ENPP6: variants seen among roughly 807,000 people sequenced by gnomAD.
The protein encoded by ENPP6 is glycerophosphocholine cholinephosphodiesterase ENPP6.
Under a neutral mutation model 42.0 loss-of-function variants are expected in ENPP6, and 32 were observed. The observed-to-expected ratio is 0.76, with a 90% CI of 0.58 to 1.02. ENPP6 has a LOEUF of 1.02. Ranked by LOEUF, ENPP6 falls within the 50% of genes least tolerant of loss-of-function variation. ENPP6 has a pLI of 0.00. For synonymous variants in ENPP6, 213 were observed against 216.0 expected (o/e 0.99, Z 0.12); for missense variants, 552 against 566.8 (o/e 0.97, Z 0.27).
At chr4:184,161,227 A>G (rs1284232927) in intron 1 of ENPP6, among the ~76,000 whole-genome samples, 1 of 152,214 alleles carries the variant, frequency 6.6e-6, no homozygotes, top group African/African-American at 2.4e-5. Context: ...AAACTGGGCT[A>G]AGGACATGAA....
chr4:184,186,629 C>T (rs539416998), intron 1 of ENPP6, among the ~76,000 whole-genome samples: 1 of 152,210 alleles, frequency 6.6e-6, no homozygotes, highest in East Asian at 1.9e-4. Flanking sequence ...CAGGAATGGT[C>T]AAAAGGTTAA....
chr4:184,102,496 C>T (rs931878939), intron 6 of ENPP6, among the ~76,000 whole-genome samples: 1 of 152,224 alleles, frequency 6.6e-6, no homozygotes, highest in Non-Finnish European at 1.5e-5. Flanking sequence ...TTTCTCTCCA[C>T]CATATACAGG....
intron 1 of ENPP6, among the ~76,000 whole-genome samples, chr4:184,186,452 C>T (rs767021629): frequency 3.3e-5 from 5 of 151,994 alleles, no homozygotes; most frequent in Non-Finnish European, 2.9e-5. Flanking sequence ...TGCATGAGAC[C>T]GACAAGGTGA....
intron 1 of ENPP6, among the ~76,000 whole-genome samples, chr4:184,159,319 A>G (rs68182724): frequency 0.045 from 6,841 of 152,334 alleles, 173 homozygotes; most frequent in South Asian, 0.063. Context: ...ATAGTAATGC[A>G]TTAGAAGTTG....
chr4:184,091,066 G>T lies in ENPP6; in HGVS notation c.*111C>A. ...AGAATAATGTATTTACAATGTGCAT[G>T]GTCTTGATTGTGTTAATGAAGCTAT... On this transcript the variant is annotated 3_prime_UTR_variant, in exon 8 of 8. Transcript: ENST00000296741. The T allele has an allele frequency of 1.0e-6, 1 of 961,552 alleles. No homozygotes were observed. The highest frequency in any genetic ancestry group is 1.5e-6 in the Non-Finnish European group (1 of 669,592). 59.6% of individuals were successfully genotyped at this position (961,552 alleles called of 1,614,324 possible).
rs145229331 is a variant in ENPP6 at position 184,097,294 on chromosome 4, G to A, written c.1068C>T (p.Tyr356=). 50 of 1,614,062 alleles carry A rather than the reference G, an allele frequency of 3.1e-5. No individual in the cohort carries two copies. The African/African-American group carries it at 5.6e-4, about 18-fold the overall frequency. ...CCCGCATGTCCATGAGCTCGTTGTC[G>A]TAGCCGTGCCATCCACGCTGCCAAC... ...REGWQRGWHG[Y]DNELMDMRGI... The change falls in exon 7 of 8, where the codon TAC becomes TAT. Residue 356 remains tyrosine (Y), a synonymous_variant. Transcript: ENST00000296741.
chr4:184,162,559 AGAAGGAAG>A (rs143137557), intron 1 of ENPP6, among the ~76,000 whole-genome samples: 46,849 of 121,938 alleles, frequency 0.38, 7,841 homozygotes, highest in East Asian at 0.69. Context: ...AAGGAAGGAA[AGAAGGAAG>A]GAAGGAAGAA....
intron 2 of ENPP6, among the ~76,000 whole-genome samples, chr4:184,142,520 C>T (rs932172130): frequency 1.3e-4 from 20 of 152,120 alleles, no homozygotes; most frequent in Admixed American, 9.2e-4. Context: ...GGACGTTTGG[C>T]GGTGGCTCCC....
At chr4:184,203,324 T>G (rs889379716) in intron 1 of ENPP6, among the ~76,000 whole-genome samples, 2 of 152,204 alleles carry the variant, frequency 1.3e-5, no homozygotes, top group African/African-American at 4.8e-5. Context: ...AGTGACAGAA[T>G]AGATTAAGTT....
intron 1 of ENPP6, among the ~76,000 whole-genome samples, chr4:184,188,179 G>T (rs551345087): frequency 1.3e-5 from 2 of 152,158 alleles, no homozygotes; most frequent in African/African-American, 4.8e-5. Flanking sequence ...AACAAACCCA[G>T]GGGTGTTTTG....
chr4:184,092,414 A>C (rs1228530493), intron 7 of ENPP6, among the ~76,000 whole-genome samples: 2 of 152,050 alleles, frequency 1.3e-5, no homozygotes, highest in Non-Finnish European at 2.9e-5. Context: ...AATGGAGAAG[A>C]CCACTGTGCC....
chr4:184,171,151 G>A (rs1737454428), intron 1 of ENPP6, among the ~76,000 whole-genome samples: 1 of 152,218 alleles, frequency 6.6e-6, no homozygotes. Context: ...CGCAGCACCA[G>A]CAAGGGCAGC....
intron 1 of ENPP6, among the ~76,000 whole-genome samples, chr4:184,196,033 C>T (rs72699733): frequency 0.24 from 35,815 of 152,158 alleles, 5,349 homozygotes; most frequent in Middle Eastern, 0.33. Context: ...TGAGTGGCCT[C>T]CCTTGGCCCT....
At chr4:184,125,366 G>GT (rs1249321795) in intron 2 of ENPP6, among the ~76,000 whole-genome samples, 1 of 152,196 alleles carries the variant, frequency 6.6e-6, no homozygotes, top group Non-Finnish European at 1.5e-5. Flanking sequence ...GAGCAACACT[G>GT]TATGTGTAGA....
At chr4:184,135,538 T>C (rs974027488) in intron 2 of ENPP6, among the ~76,000 whole-genome samples, 2 of 152,244 alleles carry the variant, frequency 1.3e-5, no homozygotes. Context: ...ATGTGTCTTT[T>C]AAAAATGCTA....
intron 1 of ENPP6, among the ~76,000 whole-genome samples, chr4:184,168,096 A>G (rs981935733): frequency 2.2e-4 from 33 of 152,254 alleles, no homozygotes; most frequent in Non-Finnish European, 8.8e-5. Flanking sequence ...CATGTGGCCT[A>G]AGTGGAAGGA....
intron 1 of ENPP6, among the ~76,000 whole-genome samples, chr4:184,205,881 T>G (rs2111119302): frequency 6.7e-6 from 1 of 149,770 alleles, no homozygotes; most frequent in African/African-American, 2.5e-5. Flanking sequence ...GAAGGAGGAG[T>G]GAGTAAAGTA....
rs986501551 is a variant in ENPP6, at chr4:184,143,706, G to A, written c.421+9848C>T. 7.2e-5 allele frequency among the ~76,000 whole-genome samples: 11 copies of A among 152,364 alleles called. 1 individual carries two copies. In the South Asian group the frequency reaches 2.1e-3, roughly 29 times the overall value. On this transcript the variant is annotated intron_variant, in intron 2 of 7. Transcript: ENST00000296741. ...CTGCCCTCTGCCCCTCTGCAGCCCAGTGCGGGGTCTGCAGAGAGGGGGAGG... is the reference window on the plus strand; with the variant it reads ...CTGCCCTCTGCCCCTCTGCAGCCCAATGCGGGGTCTGCAGAGAGGGGGAGG...
rs1579664783 is a variant in ENPP6 at position 184,204,397 on chromosome 4, T to C, written c.241+13182A>G. Among the ~76,000 whole-genome samples the C allele has an allele frequency of 2.0e-5, 3 of 152,296 alleles. No individual in the cohort carries two copies. In the South Asian group the frequency reaches 6.2e-4, roughly 32 times the overall value. Reference sequence around the variant, plus strand: ...GAGGCTGAAAACACAAGAGTGGCCGTGCAAGTCCCTTTAAGCTGCCACATG... The same window carrying C: ...GAGGCTGAAAACACAAGAGTGGCCGCGCAAGTCCCTTTAAGCTGCCACATG... On this transcript the variant is annotated intron_variant, in intron 1 of 7. Transcript: ENST00000296741.
Sources: gnomAD v4.1 joint callset for allele counts (sites outside exome capture counted in the v4.1 genomes callset) on GRCh38, gnomAD v4.1.1 for gene constraint, MANE v1.5 for transcripts, NCBI Gene and HGNC (gene_info 2026-07-23, HGNC 2026-07-21) for gene names.